Variants in MCUB observed in about 807,000 individuals in gnomAD.
MCUB encodes the protein calcium uniporter regulatory subunit MCUb, mitochondrial.
In MCUB, 46 loss-of-function variants were observed where a neutral mutation model predicts 41.4. The ratio of observed to expected loss-of-function variants is 1.11; its 90% CI spans 0.88 to 1.42. The LOEUF is 1.42. MCUB is among the 40% of genes most tolerant of loss of function. The pLI is 0.00. For missense variants in MCUB, 403 were observed against 404.9 expected, an observed-to-expected ratio of 1.00 and a Z score of 0.04; for synonymous variants, 148 against 148.2, an observed-to-expected ratio of 1.00 and a Z score of 0.01.
intron 1 of MCUB, among the ~76,000 whole-genome samples, chr4:109,606,596 G>C (rs940855966): frequency 6.6e-6 from 1 of 151,980 alleles, no homozygotes; most frequent in Non-Finnish European, 1.5e-5. Context: ...TTTTAAACTG[G>C]TGACAACTTA....
At chr4:109,611,483 T>A (rs1225009134) in intron 1 of MCUB, among the ~76,000 whole-genome samples, 1 of 152,216 alleles carries the variant, frequency 6.6e-6, no homozygotes, top group Non-Finnish European at 1.5e-5. Flanking sequence ...AGGCTAGGGC[T>A]TTTTACAGAA....
chr4:109,687,454 C>A, intron 7 of MCUB, 61 bp from the exon 8 acceptor site: 1 of 1,129,888 alleles, frequency 8.9e-7, no homozygotes, highest in Non-Finnish European at 1.3e-6. Flanking sequence ...TCCTCTCAAG[C>A]AGTAATGTTG....
chr4:109,617,763 T>A (rs1336102947), intron 1 of MCUB, among the ~76,000 whole-genome samples: 2 of 152,236 alleles, frequency 1.3e-5, no homozygotes, highest in Admixed American at 1.3e-4. Flanking sequence ...ACAGTTAACA[T>A]CTTTATAGAT....
rs80215805 is a variant in MCUB, at chr4:109,646,000, G to A, written c.100-13011G>A. 6.7e-3 allele frequency among the ~76,000 whole-genome samples: 1,021 copies of A among 152,024 alleles called. 9 individuals carry two copies. The highest frequency in any genetic ancestry group is 0.023 in the African/African-American group (957 of 41,454). ...TGATGTCTCTCAGCTTAAGAAAGTC[G>A]CAAACCCTCCAGTAACCACATAGCC... is the stretch of plus-strand genomic sequence containing the variant. On this transcript the variant is annotated intron_variant, in intron 1 of 7. Transcript: ENST00000394650.
intron 1 of MCUB, among the ~76,000 whole-genome samples, chr4:109,592,703 A>G (rs1727466484): frequency 6.6e-6 from 1 of 152,226 alleles, no homozygotes; most frequent in African/African-American, 2.4e-5. Flanking sequence ...CTCTAGTTCC[A>G]TACTTGTTTA....
intron 1 of MCUB, among the ~76,000 whole-genome samples, chr4:109,590,194 A>G (rs914270398): frequency 6.7e-6 from 1 of 149,304 alleles, no homozygotes; most frequent in Non-Finnish European, 1.5e-5. Context: ...AGAGTAAGTA[A>G]TAACCCTATA....
At chr4:109,595,305 G>A (rs1340350012) in intron 1 of MCUB, among the ~76,000 whole-genome samples, 4 of 152,204 alleles carry the variant, frequency 2.6e-5, no homozygotes, top group Non-Finnish European at 5.9e-5. Context: ...GGGGAGAGAT[G>A]ATAATTAACC....
intron 1 of MCUB, among the ~76,000 whole-genome samples, chr4:109,635,281 A>G (rs1404476822): frequency 1.3e-5 from 2 of 152,164 alleles, no homozygotes; most frequent in African/African-American, 4.8e-5. Flanking sequence ...ATGTGTCTTT[A>G]TAGTAGAATG....
At chr4:109,635,698 T>TCCTTCCTTCTC (rs903638958) in intron 1 of MCUB, among the ~76,000 whole-genome samples, 1 of 152,278 alleles carries the variant, frequency 6.6e-6, no homozygotes, top group Non-Finnish European at 1.5e-5. Flanking sequence ...GCGTCTTCCT[T>TCCTTCCTTCTC]CCTTCCTTCT....
intron 1 of MCUB, chr4:109,648,344 T>C (rs2126141963): frequency 4.3e-6 from 1 of 230,498 alleles, no homozygotes; most frequent in Non-Finnish European, 8.7e-6. Context: ...GTAAATACAG[T>C]CTAGCTGAGA....
chr4:109,664,181 G>A, intron 3 of MCUB, 109 bp from the exon 4 acceptor site: 1 of 670,008 alleles, frequency 1.5e-6, no homozygotes, highest in Non-Finnish European at 2.7e-6. Flanking sequence ...AAAGTAAATT[G>A]TCCACTATTA....
chr4:109,605,843 C>CT (rs1727857004), intron 1 of MCUB, among the ~76,000 whole-genome samples: 1 of 152,104 alleles, frequency 6.6e-6, no homozygotes. Context: ...ATAACTACTC[C>CT]TTTTTTGGGG....
intron 1 of MCUB, among the ~76,000 whole-genome samples, chr4:109,566,363 G>A (rs773322397): frequency 6.6e-6 from 1 of 151,186 alleles, no homozygotes; most frequent in Non-Finnish European, 1.5e-5. Flanking sequence ...CCAGCTACTC[G>A]GGAGGCTGAG....
At chr4:109,646,681 ACT>A (rs1327554506) in intron 1 of MCUB, among the ~76,000 whole-genome samples, 2 of 151,552 alleles carry the variant, frequency 1.3e-5, no homozygotes, top group Non-Finnish European at 2.9e-5. Flanking sequence ...GTCTCATCTC[ACT>A]CCCCGCTCCT....
At chr4:109,682,344 T>C (rs542958069) in intron 4 of MCUB, among the ~76,000 whole-genome samples, 3 of 151,632 alleles carry the variant, frequency 2.0e-5, no homozygotes, top group Admixed American at 2.0e-4. Flanking sequence ...TTTTACCTTG[T>C]ATATGAACTG....
chr4:109,645,749 C>T (rs183058750), intron 1 of MCUB, among the ~76,000 whole-genome samples: 4 of 152,284 alleles, frequency 2.6e-5, no homozygotes, highest in Admixed American at 6.5e-5. Flanking sequence ...CTCATCTTCC[C>T]ACCATAAAAT....
Position 109,664,374 on chromosome 4 carries a change from A to T in MCUB, c.431A>T (p.Asp144Val). The T allele has an allele frequency of 7.2e-7, 1 of 1,394,716 alleles. No individual in the cohort carries two copies. The highest frequency in any genetic ancestry group is 1.0e-6 in the Non-Finnish European group (1 of 982,506). 86.4% of individuals were successfully genotyped at this position (1,394,716 alleles called of 1,614,324 possible). The change falls in exon 4 of 8, where the codon GAT becomes GTT. Residue 144 changes from aspartate to valine, a missense_variant. Transcript: ENST00000394650. ...CTTGTCATTAATAAAATAGCATATG[A>T]TGTGCAGTGTCCAAAGAGAGGTAAG... The part of the protein sequence containing the change: ...FKLVINKIAY[D>V]VQCPKREKPS...
intron 4 of MCUB, 54 bp from the exon 5 acceptor site, chr4:109,682,528 C>T: frequency 2.8e-6 from 4 of 1,453,428 alleles, no homozygotes; most frequent in Middle Eastern, 1.8e-4. Context: ...AAGATTTACA[C>T]ACCCTGCGGG....
At chr4:109,686,502 T>TA (rs1051358242) in intron 7 of MCUB, among the ~76,000 whole-genome samples, 1 of 152,158 alleles carries the variant, frequency 6.6e-6, no homozygotes. Context: ...ATAATGCTTT[T>TA]AAAAAAAATT....
Sources: allele counts gnomAD v4.1 joint callset (sites outside exome capture counted in the v4.1 genomes callset), GRCh38; gene constraint gnomAD v4.1.1; transcripts MANE v1.5; gene names NCBI Gene and HGNC (gene_info 2026-07-23, HGNC 2026-07-21).